CHD1: variants seen among roughly 807,000 people sequenced by gnomAD.
CHD1 encodes chromodomain helicase DNA binding protein 1, also known as ATP-dependent chromatin remodeler CHD1.
In CHD1, 36 loss-of-function variants were observed where a neutral mutation model predicts 224.2. That is an observed-to-expected ratio of 0.16 (90% CI 0.12 to 0.21). The LOEUF is 0.21. Among genes scored for constraint, CHD1 ranks in the 10% least tolerant of loss-of-function variants. The pLI, the probability that CHD1 is intolerant of heterozygous loss-of-function variation, is 1.00. For missense variants in CHD1, 1,378 were observed against 1,994.8 expected (o/e 0.69, Z 5.89); for synonymous variants, 668 against 658.3 (o/e 1.01, Z -0.23).
chr5:98,912,284 T>C (rs1347891546), intron 2 of CHD1, among the ~76,000 whole-genome samples: 1 of 152,164 alleles, frequency 6.6e-6, no homozygotes, highest in Non-Finnish European at 1.5e-5. Flanking sequence ...GTATAATGTG[T>C]CAATAAATTG....
At chr5:98,889,312 A>C in intron 15 of CHD1, 74 bp from the exon 16 acceptor site, 1 of 1,208,630 alleles carries the variant, frequency 8.3e-7, no homozygotes, top group Non-Finnish European at 1.1e-6. Flanking sequence ...CATTAAAACA[A>C]ACAAAAAAAG....
intron 32 of CHD1, among the ~76,000 whole-genome samples, chr5:98,861,403 T>G (rs1340334107): frequency 6.6e-6 from 1 of 152,228 alleles, no homozygotes. Flanking sequence ...TTCAGTTGTT[T>G]TTAAGAAATT....
intron 33 of CHD1, among the ~76,000 whole-genome samples, chr5:98,859,590 T>C (rs1748311144): frequency 6.6e-6 from 1 of 152,084 alleles, no homozygotes; most frequent in African/African-American, 2.4e-5. Flanking sequence ...ACACATATAT[T>C]TTTGGCAAGA....
rs904759600 is a variant in CHD1 at position 98,868,052 on chromosome 5, G to A, written c.4248+443C>T. On this transcript the variant is annotated intron_variant, in intron 31 of 35. Coordinates refer to ENST00000614616, the MANE Select transcript of CHD1 (RefSeq NM_001270.4). ...CTAACCTCAGGTGATCCACTGCCTC[G>A]GCCTTCCAAAGTGCTGGGTTTACAG... is the stretch of plus-strand genomic sequence containing the variant. Among the ~76,000 whole-genome samples, 6 of 151,638 alleles carry A rather than the reference G, an allele frequency of 4.0e-5. 1 individual carries two copies. Among genetic ancestry groups the A allele is most frequent in the Admixed American group, 6.6e-5 (1 of 15,236 alleles).
intron 17 of CHD1, chr5:98,885,921 T>C (rs1336274116): frequency 5.9e-6 from 2 of 341,448 alleles, no homozygotes; most frequent in African/African-American, 2.1e-5. Context: ...ATTGAGTACA[T>C]AGCTGTTTGC....
rs979426376 is a variant in CHD1 at position 98,919,824 on chromosome 5, T to G, written c.53+6510A>C. Reference sequence around the variant, plus strand: ...TCTACATATATTACCTAGCTCTGTCTACTTTGTTCACTGAGAGGAAATAAA... The same window carrying G: ...TCTACATATATTACCTAGCTCTGTCGACTTTGTTCACTGAGAGGAAATAAA... On this transcript the variant is annotated intron_variant, in intron 2 of 35. Transcript: ENST00000614616. Among the ~76,000 whole-genome samples the G allele has an allele frequency of 1.6e-4, 25 of 152,352 alleles. No homozygotes were observed. The Middle Eastern group carries it at 0.01, about 62-fold the overall frequency.
Position 98,854,220 on chromosome 5 carries a change from TAC to T in CHD1, c.*2158_*2159del, listed in dbSNP as rs1231310113. ...AACATATTTTATCATTTGATAAATG[TAC>T]ATACAGTTCTATATTTTTCATTCAA... On this transcript the variant is annotated 3_prime_UTR_variant, in exon 36 of 36. Coordinates refer to ENST00000614616, the MANE Select transcript of CHD1 (RefSeq NM_001270.4). The T allele has an allele frequency of 6.6e-6, 1 of 152,098 alleles. No individual in the cohort carries two copies. Among genetic ancestry groups the T allele is most frequent in the Non-Finnish European group, 1.5e-5 (1 of 67,914 alleles). 9.4% of individuals were successfully genotyped at this position (152,098 alleles called of 1,614,324 possible). A position where few individuals can be genotyped will look rare whatever the true frequency, so the allele number is the denominator to read the frequency against.
chr5:98,908,075 T>C (rs896494052), intron 2 of CHD1, among the ~76,000 whole-genome samples: 1 of 152,182 alleles, frequency 6.6e-6, no homozygotes, highest in Admixed American at 6.5e-5. Flanking sequence ...TTCTGTTCTA[T>C]AACAAAGTTC....
Position 98,858,435 on chromosome 5 carries a change from T to A in CHD1, c.4577-45A>T. 1 of 1,519,212 alleles carries A rather than the reference T, an allele frequency of 6.6e-7. No homozygotes were observed. The highest frequency in any genetic ancestry group is 9.0e-7 in the Non-Finnish European group (1 of 1,107,866). 94.1% of individuals were successfully genotyped at this position (1,519,212 alleles called of 1,614,324 possible). A position where few individuals can be genotyped will look rare whatever the true frequency, so the allele number is the denominator to read the frequency against. On this transcript the variant is annotated intron_variant, in intron 34 of 35. Coordinates refer to ENST00000614616, the MANE Select transcript of CHD1 (RefSeq NM_001270.4). ...TTTATTAATGACCTTAAAAATAATG[T>A]GGCAAAAAAAACTTAGTTGATAGAT... is the stretch of plus-strand genomic sequence containing the variant.
chr5:98,922,120 C>T (rs567171532), intron 2 of CHD1, among the ~76,000 whole-genome samples: 1 of 152,128 alleles, frequency 6.6e-6, no homozygotes, highest in Admixed American at 6.5e-5. Flanking sequence ...CTACTGCACT[C>T]CAGCCTGGGC....
rs1249515362 is a variant in CHD1 at position 98,894,621 on chromosome 5, A to T, written c.1776T>A (p.Thr592=). The T allele has an allele frequency of 7.1e-7, 1 of 1,398,652 alleles. No individual in the cohort carries two copies. Among genetic ancestry groups the T allele is most frequent in the East Asian group, 2.4e-5 (1 of 41,624 alleles). The allele number at this position is 1,398,652 out of a possible 1,614,324, so 86.6% of individuals were successfully genotyped here. A position where few individuals can be genotyped will look rare whatever the true frequency, so the allele number is the denominator to read the frequency against. ...CCTTATCTTTTAATAAAATTTCATA[A>T]GTTGTTAACAATATATTAAATTTTA... The part of the protein sequence containing the change: ...KRLKFNILLT[T]YEILLKDKAF... The change falls in exon 13 of 36, where the codon ACT becomes ACA. Residue 592 remains threonine, a synonymous_variant. Coordinates refer to ENST00000614616, the MANE Select transcript of CHD1 (RefSeq NM_001270.4).
At position 98,898,381 on chromosome 5, in the gene CHD1, G is replaced by C; in HGVS notation, c.1240C>G (p.Gln414Glu). 6.3e-7 allele frequency: 1 copy of C among 1,597,314 alleles called. No individual in the cohort carries two copies. The highest frequency in any genetic ancestry group is 1.1e-5 in the South Asian group (1 of 87,096). The change falls in exon 10 of 36, where the codon CAG becomes GAG. Residue 414 changes from glutamine to glutamate, a missense_variant. By Grantham distance (29) the Gln-to-Glu change is conservative. Around this residue, in one of 16 missense-constraint regions of CHD1, gnomAD observed 86 missense variants for 97.7 expected, o/e 0.88. Coordinates refer to ENST00000614616, the MANE Select transcript of CHD1 (RefSeq NM_001270.4). ...AGYPDYYCKW[Q>E]GLPYSECSWE... is the part of the protein sequence containing the mutation. The stretch of plus-strand genomic sequence containing the variant: ...CTGCACTCTGAGTATGGAAGGCCCT[G>C]CCATTTGCAGTAATAATCAGGATAA...
intron 26 of CHD1, among the ~76,000 whole-genome samples, 175 bp from the exon 27 acceptor site, chr5:98,872,730 T>C (rs1235406570): frequency 6.6e-6 from 1 of 152,228 alleles, no homozygotes; most frequent in Non-Finnish European, 1.5e-5. Flanking sequence ...GTGATAATAA[T>C]CTTGCAGATG....
intron 12 of CHD1, among the ~76,000 whole-genome samples, chr5:98,895,224 C>T (rs1440920954): frequency 1.3e-5 from 2 of 152,098 alleles, no homozygotes; most frequent in African/African-American, 4.8e-5. Context: ...TTTTAAAGCA[C>T]ATCTTTCACA....
intron 2 of CHD1, among the ~76,000 whole-genome samples, chr5:98,913,475 A>G (rs571736083): frequency 6.6e-6 from 1 of 152,206 alleles, no homozygotes; most frequent in East Asian, 1.9e-4. Context: ...CCTAACTCTT[A>G]AAAAAAGGGG....
At chr5:98,877,673 C>T (rs1749864104) in intron 23 of CHD1, among the ~76,000 whole-genome samples, 1 of 151,904 alleles carries the variant, frequency 6.6e-6, no homozygotes, top group African/African-American at 2.4e-5. Context: ...GTATTTAGAC[C>T]TTTTTTTTCT....
rs1383041251 is a variant in CHD1 at position 98,855,656 on chromosome 5, G to A, written c.*724C>T. ...CCATCAAGACAAATCATTAAAAAGT[G>A]TTATTACACTGATTTTTTTTTTTTT... On this transcript the variant is annotated 3_prime_UTR_variant, in exon 36 of 36. Coordinates refer to ENST00000614616, the MANE Select transcript of CHD1 (RefSeq NM_001270.4). 1 of 150,190 alleles carries A rather than the reference G, an allele frequency of 6.7e-6. No individual in the cohort carries two copies. Among genetic ancestry groups the A allele is most frequent in the African/African-American group, 2.4e-5 (1 of 40,842 alleles). 9.3% of individuals were successfully genotyped at this position (150,190 alleles called of 1,614,324 possible).
chr5:98,881,882 T>C, intron 20 of CHD1, 93 bp downstream of exon 20: 2 of 1,088,126 alleles, frequency 1.8e-6, no homozygotes, highest in Non-Finnish European at 2.6e-6. Flanking sequence ...CAACTCTGAA[T>C]ACATTTCCTC....
At chr5:98,870,964 C>T (rs1030963802) in intron 28 of CHD1, among the ~76,000 whole-genome samples, 161 bp from the exon 29 acceptor site, 1 of 151,858 alleles carries the variant, frequency 6.6e-6, no homozygotes, top group Non-Finnish European at 1.5e-5. Flanking sequence ...ATTTTTTATA[C>T]GTATGCCAGA....
Sources: gnomAD v4.1 joint callset for allele counts (sites outside exome capture counted in the v4.1 genomes callset) on GRCh38, gnomAD v4.1.1 for gene constraint, gnomAD v4.1.1 regional missense constraint, MANE v1.5 for transcripts, NCBI Gene and HGNC (gene_info 2026-07-23, HGNC 2026-07-21) for gene names.